The following HPSE2 variants were observed in gnomAD, a reference collection of about 807,000 sequenced individuals.
HPSE2 encodes the protein inactive heparanase-2.
In HPSE2, 38 loss-of-function variants were observed where a neutral mutation model predicts 60.5. The observed-to-expected ratio is 0.63, with a 90% CI of 0.48 to 0.82. The LOEUF is 0.82. Among genes scored for constraint, HPSE2 ranks in the 40% least tolerant of loss-of-function variants. The probability of loss-of-function intolerance (pLI) is 0.00; values close to 1 mark genes in which losing one functional copy is unlikely to be tolerated. For missense variants in HPSE2, 713 were observed against 740.4 expected (o/e 0.96, Z 0.43); for synonymous variants, 295 against 293.2 (o/e 1.01, Z -0.06).
chr10:99,005,682 G>A (rs1306262632), intron 3 of HPSE2, among the ~76,000 whole-genome samples: 1 of 152,066 alleles, frequency 6.6e-6, no homozygotes, highest in Non-Finnish European at 1.5e-5. Context: ...GCTACTGGGA[G>A]ATTATTGTAC....
intron 3 of HPSE2, among the ~76,000 whole-genome samples, chr10:98,746,346 A>G (rs1176677963): frequency 1.4e-5 from 2 of 142,618 alleles, no homozygotes; most frequent in Non-Finnish European, 1.6e-5. Context: ...TTGTCAAAGT[A>G]TCATATAAAA....
At chr10:98,932,838 C>A (rs1318578361) in intron 3 of HPSE2, among the ~76,000 whole-genome samples, 1 of 143,334 alleles carries the variant, frequency 7.0e-6, no homozygotes, top group East Asian at 2.0e-4. Flanking sequence ...CTTATTATTT[C>A]TGATTGTGTT....
intron 3 of HPSE2, among the ~76,000 whole-genome samples, chr10:98,934,255 G>A (rs148120557): frequency 6.9e-6 from 1 of 143,894 alleles, no homozygotes; most frequent in African/African-American, 2.8e-5. Context: ...CTTTTAATCA[G>A]GGCATTTTGC....
chr10:98,874,302 T>C (rs1952814549), intron 3 of HPSE2, among the ~76,000 whole-genome samples: 2 of 152,104 alleles, frequency 1.3e-5, no homozygotes, highest in Non-Finnish European at 2.9e-5. Flanking sequence ...TCCTGAATGG[T>C]ATTGCCTCAG....
At chr10:98,811,751 C>T (rs1424584086) in intron 3 of HPSE2, among the ~76,000 whole-genome samples, 2 of 152,126 alleles carry the variant, frequency 1.3e-5, no homozygotes, top group Non-Finnish European at 2.9e-5. Context: ...GTTCACTCTA[C>T]AGATCACTCT....
chr10:98,853,629 A>G (rs1386002572), intron 3 of HPSE2, among the ~76,000 whole-genome samples: 15 of 152,172 alleles, frequency 9.9e-5, no homozygotes, highest in Admixed American at 9.8e-4. Context: ...TAAAAGTTGT[A>G]TCACTCCCAT....
chr10:98,932,142 C>T (rs1299064838), intron 3 of HPSE2, among the ~76,000 whole-genome samples: 2 of 143,526 alleles, frequency 1.4e-5, no homozygotes, highest in African/African-American at 5.7e-5. Context: ...AGGTATGTTT[C>T]TTCAATATCT....
chr10:99,169,504 C>CA (rs562946052), intron 2 of HPSE2, among the ~76,000 whole-genome samples: 5 of 54,732 alleles, frequency 9.1e-5, no homozygotes, highest in African/African-American at 1.2e-4. Flanking sequence ...GACTCCGTCT[C>CA]AAAAAAAAAA....
chr10:98,696,751 C>G (rs372806349), intron 5 of HPSE2, among the ~76,000 whole-genome samples: 1 of 152,182 alleles, frequency 6.6e-6, no homozygotes, highest in South Asian at 2.1e-4. Context: ...CGACAGCCAA[C>G]TCTGGGACCC....
chr10:98,573,566 G>C (rs139338334), intron 9 of HPSE2, among the ~76,000 whole-genome samples: 1 of 152,124 alleles, frequency 6.6e-6, no homozygotes, highest in African/African-American at 2.4e-5. Context: ...GGGTGAGAGC[G>C]TTTCCCGCTT....
At chr10:98,506,809 T>G (rs1932794) in intron 9 of HPSE2, among the ~76,000 whole-genome samples, 140,706 of 152,200 alleles carry the variant, frequency 0.92, 66,007 homozygotes, top group East Asian at 1. Flanking sequence ...TTCTACGTTT[T>G]TCTTCTCCCT....
intron 9 of HPSE2, among the ~76,000 whole-genome samples, chr10:98,560,080 A>C (rs1383861762): frequency 6.6e-6 from 1 of 152,152 alleles, no homozygotes; most frequent in Non-Finnish European, 1.5e-5. Flanking sequence ...GAAGACTATT[A>C]AAAGGTTTTT....
At chr10:99,040,013 A>T (rs1957701565) in intron 3 of HPSE2, among the ~76,000 whole-genome samples, 1 of 152,000 alleles carries the variant, frequency 6.6e-6, no homozygotes, top group African/African-American at 2.4e-5. Context: ...TATAATATTC[A>T]CTCTTCCATA....
intron 3 of HPSE2, among the ~76,000 whole-genome samples, chr10:98,852,613 A>C (rs1007768627): frequency 2.6e-5 from 4 of 152,194 alleles, no homozygotes; most frequent in Admixed American, 6.5e-5. Context: ...TTCCCCACTC[A>C]GTCTATTAGT....
chr10:98,625,094 G>A (rs1199940300), intron 7 of HPSE2, among the ~76,000 whole-genome samples: 1 of 152,236 alleles, frequency 6.6e-6, no homozygotes, highest in Non-Finnish European at 1.5e-5. Flanking sequence ...TGCTTCACAG[G>A]AGACTGTGTG....
chr10:99,117,197 T>C (rs969541439), intron 3 of HPSE2, among the ~76,000 whole-genome samples: 1 of 150,226 alleles, frequency 6.7e-6, no homozygotes, highest in African/African-American at 2.5e-5. Flanking sequence ...CAATTCTAAA[T>C]TAATTAATTA....
At chr10:99,135,916 A>G (rs186056085) in intron 3 of HPSE2, among the ~76,000 whole-genome samples, 21 of 152,266 alleles carry the variant, frequency 1.4e-4, no homozygotes, top group Admixed American at 1.2e-3. Context: ...AGATAGAGAC[A>G]TGAAAAACCC....
At chr10:98,722,941 T>C (rs1386267636) in intron 4 of HPSE2, among the ~76,000 whole-genome samples, 9 of 152,182 alleles carry the variant, frequency 5.9e-5, no homozygotes, top group African/African-American at 1.9e-4. Flanking sequence ...CTTTTCCTAA[T>C]TGAATGCCCT....
intron 3 of HPSE2, among the ~76,000 whole-genome samples, chr10:98,773,807 C>T (rs1024025551): frequency 6.6e-6 from 1 of 152,134 alleles, no homozygotes; most frequent in Non-Finnish European, 1.5e-5. Flanking sequence ...GTGGCTCATG[C>T]CTTTGGGAGG....
Sources: allele counts gnomAD v4.1 joint callset (sites outside exome capture counted in the v4.1 genomes callset), GRCh38; gene constraint gnomAD v4.1.1; transcripts MANE v1.5; gene names NCBI Gene and HGNC (gene_info 2026-07-23, HGNC 2026-07-21).